Variants in LRFN5 observed in about 807,000 individuals in gnomAD.
The protein encoded by LRFN5 is leucine rich repeat and fibronectin type III domain containing 5.
Under a neutral mutation model 45.6 loss-of-function variants are expected in LRFN5, and 24 were observed. The observed-to-expected ratio is 0.53, with a 90% CI of 0.38 to 0.74. LRFN5 has a LOEUF of 0.74. Among genes scored for constraint, LRFN5 ranks in the 30% least tolerant of loss-of-function variants. LRFN5 has a pLI of 0.00. For synonymous variants in LRFN5, 340 were observed against 313.8 expected (o/e 1.08, Z -0.88); for missense variants, 776 against 861.5 (o/e 0.90, Z 1.24).
chr14:41,674,887 G>T (rs143599709), intron 1 of LRFN5, among the ~76,000 whole-genome samples: 3 of 151,650 alleles, frequency 2.0e-5, no homozygotes, highest in South Asian at 2.1e-4. Flanking sequence ...CTTCTCAGAC[G>T]GAACGGCCGG....
At chr14:41,679,333 C>T (rs1823062330) in intron 1 of LRFN5, among the ~76,000 whole-genome samples, 1 of 152,020 alleles carries the variant, frequency 6.6e-6, no homozygotes, top group Admixed American at 6.6e-5. Flanking sequence ...CAGCTAGCAG[C>T]TCTGTGAGAG....
intron 1 of LRFN5, among the ~76,000 whole-genome samples, chr14:41,739,273 T>C (rs926185148): frequency 6.6e-6 from 1 of 152,094 alleles, no homozygotes; most frequent in Admixed American, 6.6e-5. Flanking sequence ...TAGTCTTAGC[T>C]ATTTGGGAGG....
chr14:41,822,262 T>G (rs1888141629), intron 2 of LRFN5, among the ~76,000 whole-genome samples: 1 of 152,152 alleles, frequency 6.6e-6, no homozygotes, highest in South Asian at 2.1e-4. Context: ...TGTTGTCTTG[T>G]GATCTTTTCT....
At chr14:41,903,837 A>G (rs1891170302) in intron 5 of LRFN5, among the ~76,000 whole-genome samples, 1 of 152,050 alleles carries the variant, frequency 6.6e-6, no homozygotes. Flanking sequence ...TATATATGTG[A>G]AAAACAAAGC....
At chr14:41,890,009 G>A (rs1890719216) in intron 3 of LRFN5, among the ~76,000 whole-genome samples, 1 of 152,024 alleles carries the variant, frequency 6.6e-6, no homozygotes, top group African/African-American at 2.4e-5. Flanking sequence ...GACTACAGGT[G>A]CCCGCCACCA....
chr14:41,699,275 G>T (rs1178204285), intron 1 of LRFN5, among the ~76,000 whole-genome samples: 2 of 151,978 alleles, frequency 1.3e-5, no homozygotes, highest in Admixed American at 6.6e-5. Flanking sequence ...TTTTTCTGTG[G>T]GTCCACACTT....
At chr14:41,812,735 A>G (rs950098072) in intron 2 of LRFN5, among the ~76,000 whole-genome samples, 1 of 152,120 alleles carries the variant, frequency 6.6e-6, no homozygotes, top group Non-Finnish European at 1.5e-5. Context: ...AATAAAATTG[A>G]TGATGAAAAA....
At chr14:41,740,729 A>G (rs538842774) in intron 1 of LRFN5, among the ~76,000 whole-genome samples, 1 of 152,026 alleles carries the variant, frequency 6.6e-6, no homozygotes, top group South Asian at 2.1e-4. Context: ...AAAAGAAATA[A>G]AAGGCCTCCA....
At chr14:41,868,269 G>C (rs1401447096) in intron 2 of LRFN5, among the ~76,000 whole-genome samples, 2 of 152,002 alleles carry the variant, frequency 1.3e-5, no homozygotes, top group East Asian at 1.9e-4. Context: ...CAGATGACAA[G>C]GTTCTAAATA....
chr14:41,892,720 T>C, intron 4 of LRFN5: 2 of 985,378 alleles, frequency 2.0e-6, no homozygotes, highest in Non-Finnish European at 2.4e-6. Context: ...GGTGCCTTAA[T>C]GGTTGTAAGA....
At chr14:41,851,016 T>G (rs1889247081) in intron 2 of LRFN5, among the ~76,000 whole-genome samples, 1 of 151,812 alleles carries the variant, frequency 6.6e-6, no homozygotes, top group African/African-American at 2.4e-5. Flanking sequence ...AATAAACTAT[T>G]GAAATGTGTG....
chr14:41,901,536 AT>A lies in LRFN5; in HGVS notation c.2142+2580del, dbSNP rs1307110544. 4.0e-5 allele frequency among the ~76,000 whole-genome samples: 6 copies of A among 151,466 alleles called. No individual in the cohort carries two copies. The South Asian group carries it at 1.2e-3, about 32-fold the overall frequency. ...AGGCCTTTAAGATAATTGCTTCTTG[AT>A]TTTAATAAATTTAACTTGCGATTAG... On this transcript the variant is annotated intron_variant, in intron 5 of 5. Coordinates refer to ENST00000298119, the MANE Select transcript of LRFN5 (RefSeq NM_152447.5).
At chr14:41,811,413 C>CT (rs1887731659) in intron 2 of LRFN5, among the ~76,000 whole-genome samples, 1 of 152,026 alleles carries the variant, frequency 6.6e-6, no homozygotes, top group African/African-American at 2.4e-5. Context: ...CAATCCTTGC[C>CT]TTGGGTATAC....
At chr14:41,788,080 G>A (rs1886792717) in intron 2 of LRFN5, among the ~76,000 whole-genome samples, 1 of 152,026 alleles carries the variant, frequency 6.6e-6, no homozygotes, top group South Asian at 2.1e-4. Context: ...CCTGATCTTG[G>A]ATTTCTAGCC....
At chr14:41,625,214 C>T (rs1366299801) in intron 1 of LRFN5, among the ~76,000 whole-genome samples, 1 of 151,980 alleles carries the variant, frequency 6.6e-6, no homozygotes, top group Non-Finnish European at 1.5e-5. Context: ...CTGTCCCCAC[C>T]CAGATCTCAC....
At chr14:41,704,448 C>A (rs75987068) in intron 1 of LRFN5, among the ~76,000 whole-genome samples, 1 of 124,240 alleles carries the variant, frequency 8.0e-6, no homozygotes, top group African/African-American at 3.9e-5. Flanking sequence ...CTCTCTCTCT[C>A]TGTGTGTGTG....
chr14:41,738,846 G>C (rs895525634), intron 1 of LRFN5, among the ~76,000 whole-genome samples: 2 of 152,078 alleles, frequency 1.3e-5, no homozygotes, highest in Non-Finnish European at 2.9e-5. Context: ...ATAAATCTGT[G>C]TTTCTAACTT....
chr14:41,666,035 A>G (rs1006737205), intron 1 of LRFN5, among the ~76,000 whole-genome samples: 1 of 152,012 alleles, frequency 6.6e-6, no homozygotes, highest in Non-Finnish European at 1.5e-5. Context: ...AGTTTCTTTC[A>G]GAGACCATTT....
chr14:41,781,612 G>GAA (rs758797571), intron 2 of LRFN5, among the ~76,000 whole-genome samples: 35 of 84,402 alleles, frequency 4.1e-4, no homozygotes, highest in Admixed American at 1.5e-3. Flanking sequence ...AAGAAAGAAA[G>GAA]AAAGAGAAAG....
Sources: gnomAD v4.1 joint callset for allele counts (sites outside exome capture counted in the v4.1 genomes callset) on GRCh38, gnomAD v4.1.1 for gene constraint, MANE v1.5 for transcripts, NCBI Gene and HGNC (gene_info 2026-07-23, HGNC 2026-07-21) for gene names.